APOB: variants seen among roughly 807,000 people sequenced by gnomAD.
APOB encodes the protein apolipoprotein B.
In APOB, 153 loss-of-function variants were observed where a neutral mutation model predicts 314.1. The observed-to-expected ratio is 0.49, with a 90% CI of 0.43 to 0.56. APOB has a LOEUF of 0.56. APOB is among the 20% of genes least tolerant of loss of function. The pLI, the probability that APOB is intolerant of heterozygous loss-of-function variation, is 0.00. For missense variants in APOB, 5,430 were observed against 5,350.7 expected, an observed-to-expected ratio of 1.01 and a Z score of -0.46; for synonymous variants, 2,087 against 2,036.4, an observed-to-expected ratio of 1.02 and a Z score of -0.67.
chr2:21,032,705 A>C (rs1348426483), intron 9 of APOB, 124 bp from the exon 10 acceptor site: 6 of 524,656 alleles, frequency 1.1e-5, no homozygotes, highest in Non-Finnish European at 2.1e-5. Context: ...ATCTAACTTC[A>C]AAACCCAACT....
intron 14 of APOB, 133 bp downstream of exon 14, chr2:21,027,695 A>C: frequency 1.3e-6 from 1 of 764,138 alleles, no homozygotes. Flanking sequence ...GGGAAAGAAG[A>C]AAGCCTCAGA....
At position 21,015,361 on chromosome 2, in the gene APOB, G is replaced by A. The variant is rs1251771320; in HGVS notation, c.3508+9C>T. The A allele has an allele frequency of 1.2e-6, 2 of 1,614,120 alleles. No individual in the cohort carries two copies. The highest frequency in any genetic ancestry group is 1.6e-4 in the Middle Eastern group (1 of 6,062). ...TTGGAAGTGCTCACACAGGGGAAGA[G>A]ACACATACCATAATGCCATGCCACC... On this transcript the variant is annotated intron_variant, in intron 22 of 28. Coordinates refer to ENST00000233242, the MANE Select transcript of APOB (RefSeq NM_000384.3).
intron 2 of APOB, 73 bp downstream of exon 2, chr2:21,043,440 C>T: frequency 1.3e-6 from 2 of 1,517,510 alleles, no homozygotes; most frequent in Non-Finnish European, 1.8e-6. Flanking sequence ...GAGTGGGAGG[C>T]CCTCAGGGAC....
At position 21,023,559 on chromosome 2, in the gene APOB, C is replaced by G. The variant is rs1249889621; in HGVS notation, c.2570G>C (p.Gly857Ala). 1 of 1,614,148 alleles carries G rather than the reference C, an allele frequency of 6.2e-7. No homozygotes were observed. Among genetic ancestry groups the G allele is most frequent in the Admixed American group, 1.7e-5 (1 of 60,028 alleles). ...QISSSGVIAP[G>A]AKAGVKLEVA... is the part of the protein sequence containing the mutation. ...TTCCAGTTTTACTCCAGCCTTGGCT[C>G]CGGGAGCAATGACTCCAGATGAAGA... Residue 857 changes from glycine to alanine, a missense_variant, in exon 17 of 29, where the codon GGA (glycine) becomes GCA (alanine). Around this residue, in one of 3 missense-constraint regions of APOB, gnomAD observed 2,085 missense variants for 2,079.7 expected, o/e 1.00. Transcript: ENST00000233242.
intron 12 of APOB, among the ~76,000 whole-genome samples, chr2:21,029,278 C>T (rs1469353365): frequency 6.6e-6 from 1 of 152,166 alleles, no homozygotes; most frequent in African/African-American, 2.4e-5. Context: ...GGCAAAACTC[C>T]ATCTCTACTA....
At position 21,016,561 on chromosome 2, in the gene APOB, A is replaced by G. The variant is rs756398393; in HGVS notation, c.3210T>C (p.Asp1070=). 3.1e-6 allele frequency: 5 copies of G among 1,610,072 alleles called. No homozygotes were observed. Among genetic ancestry groups the G allele is most frequent in the Non-Finnish European group, 4.3e-6 (5 of 1,176,438 alleles). ...LSSEVQIPDF[D]VDLGTILRVN... ...CTCTGAGGATTGTTCCGAGGTCAAC[A>G]TCAAAATCCGGAATTTGGACTTCAC... The change falls in exon 21 of 29, where the codon GAT becomes GAC. Residue 1070 remains aspartate, a synonymous_variant. Coordinates refer to ENST00000233242, the MANE Select transcript of APOB (RefSeq NM_000384.3).
Position 21,023,520 on chromosome 2 carries a change from C to T in APOB, c.2604+5G>A. The T allele has an allele frequency of 6.2e-7, 1 of 1,614,174 alleles. No individual in the cohort carries two copies. Among genetic ancestry groups the T allele is most frequent in the Non-Finnish European group, 8.5e-7 (1 of 1,180,018 alleles). Reference sequence around the variant, plus strand: ...TAAGAAATCAAAAGGCAAACAGAATCTTACGTTGGCTACTTCCAGTTTTAC... The same window carrying T: ...TAAGAAATCAAAAGGCAAACAGAATTTTACGTTGGCTACTTCCAGTTTTAC... On this transcript the variant is annotated splice_donor_5th_base_variant and intron_variant, in intron 17 of 28. Coordinates refer to ENST00000233242, the MANE Select transcript of APOB (RefSeq NM_000384.3).
intron 11 of APOB, 55 bp downstream of exon 11, chr2:21,029,843 T>A (rs1194461186): frequency 6.2e-7 from 1 of 1,611,494 alleles, no homozygotes; most frequent in African/African-American, 1.3e-5. Flanking sequence ...AAGTAAAAGG[T>A]GTCCAGGAAA....
rs1663930298 is a variant in APOB at position 21,033,466 on chromosome 2, T to G, written c.957A>C (p.Pro319=). The G allele has an allele frequency of 1.9e-6, 3 of 1,614,180 alleles. No individual in the cohort carries two copies. The highest frequency in any genetic ancestry group is 2.5e-6 in the Non-Finnish European group (3 of 1,180,024). The part of the protein sequence containing the change: ...AFESTKSTSP[P]KQAEAVLKTL... The stretch of plus-strand genomic sequence containing the variant: ...TCTTCAAAACAGCTTCGGCCTGCTT[T>G]GGAGGTGATGTGGATTTGGTGCTCT... The change falls in exon 9 of 29, where the codon CCA becomes CCC. Residue 319 remains proline, a synonymous_variant. Transcript: ENST00000233242.
intron 6 of APOB, 102 bp downstream of exon 6, chr2:21,036,998 G>T: frequency 6.9e-7 from 1 of 1,447,070 alleles, no homozygotes. Flanking sequence ...AAACAGCCAG[G>T]GCAGGCTGTC....
Position 21,033,534 on chromosome 2 carries a change from T to G in APOB, c.905-16A>C, listed in dbSNP as rs12720810. 2.0e-3 allele frequency: 3,185 copies of G among 1,602,620 alleles called. 4 individuals are homozygous for G. Among genetic ancestry groups the G allele is most frequent in the Non-Finnish European group, 2.5e-3 (2,884 of 1,169,558 alleles). Reference sequence around the variant, plus strand: ...TTCTTAGTACCTGGAAGATGGAAAGTGTCAAAGGAACTCTAGCTTTCTTCA... The same window carrying G: ...TTCTTAGTACCTGGAAGATGGAAAGGGTCAAAGGAACTCTAGCTTTCTTCA... On this transcript the variant is annotated splice_polypyrimidine_tract_variant and intron_variant, in intron 8 of 28. Transcript: ENST00000233242.
At position 21,003,154 on chromosome 2, in the gene APOB, A is replaced by G. The variant is rs772101655; in HGVS notation, c.12268T>C (p.Trp4090Arg). Residue 4090 changes from tryptophan (W) to arginine (R), a missense_variant, in exon 29 of 29, where the codon TGG becomes CGG. Transcript: ENST00000233242. ...CTCAGGGTGAGCCCTGTGTGTTCCC[A>G]GTGGTACTTGTTGACATAATCATAA... ...VLYDYVNKYH[W>R]EHTGLTLREV... The G allele has an allele frequency of 6.2e-7, 1 of 1,613,928 alleles. No homozygotes were observed. Among genetic ancestry groups the G allele is most frequent in the Non-Finnish European group, 8.5e-7 (1 of 1,179,866 alleles).
chr2:21,019,420 G>A (rs1572790664), intron 19 of APOB, among the ~76,000 whole-genome samples: 1 of 152,110 alleles, frequency 6.6e-6, no homozygotes. Context: ...TACGGTGAAG[G>A]CTTCAAGCAC....
Position 21,007,558 on chromosome 2 carries a change from C to A in APOB, c.9310G>T (p.Ala3104Ser). The part of the protein sequence containing the change: ...NQYKYNQNFS[A>S]GNNENIMEAH... ...TCCATAATGTTCTCGTTGTTTCCAG[C>A]AGAGAAATTTTGGTTGTACTTATAC... is the stretch of plus-strand genomic sequence containing the variant. The change falls in exon 26 of 29, where the codon GCT (alanine) becomes TCT (serine). Residue 3104 changes from alanine to serine, a missense_variant. Ala to Ser is a moderately conservative substitution (Grantham distance 99). Coordinates refer to ENST00000233242, the MANE Select transcript of APOB (RefSeq NM_000384.3). 1.2e-6 allele frequency: 2 copies of A among 1,614,042 alleles called. No homozygotes were observed. The highest frequency in any genetic ancestry group is 1.7e-6 in the Non-Finnish European group (2 of 1,179,956).
intron 14 of APOB, 39 bp downstream of exon 14, chr2:21,027,789 A>C: frequency 6.6e-7 from 1 of 1,506,958 alleles, no homozygotes; most frequent in South Asian, 1.1e-5. Context: ...ATGATGCTGT[A>C]CAAAATGGGC....
chr2:21,013,037 C>T, intron 25 of APOB, 123 bp downstream of exon 25: 1 of 1,200,054 alleles, frequency 8.3e-7, no homozygotes, highest in Non-Finnish European at 1.2e-6. Flanking sequence ...AAATAAAAGA[C>T]TTCCAAGTAG....
chr2:21,025,803 G>A (rs753095630), intron 15 of APOB, among the ~76,000 whole-genome samples: 7 of 152,198 alleles, frequency 4.6e-5, no homozygotes, highest in African/African-American at 1.7e-4. Context: ...TTCTGATTCA[G>A]TAGATTGTGG....
At position 21,006,682 on chromosome 2, in the gene APOB, C is replaced by T. The variant is rs1553383017; in HGVS notation, c.10186G>A (p.Ala3396Thr). The T allele has an allele frequency of 1.2e-6, 2 of 1,614,074 alleles. No individual in the cohort carries two copies. The highest frequency in any genetic ancestry group is 2.2e-5 in the East Asian group (1 of 44,880). ...TTGTTGCTCAGAGACAGAGCTGTGG[C>T]TAACTTCAATCCCCTTTTTCTTGTC... ...RLTRKRGLKL[A>T]TALSLSNKFV... is the part of the protein sequence containing the mutation. Residue 3396 changes from alanine to threonine, a missense_variant, in exon 26 of 29, where the codon GCC becomes ACC. Ala to Thr is a moderately conservative substitution (Grantham distance 58, BLOSUM62 0). This residue lies in a region of APOB where 3,281 missense variants were observed against 3,171.0 expected (regional missense o/e 1.03). Transcript: ENST00000233242.
rs765899256 is a variant in APOB, at chr2:21,007,991, C to T, written c.8877G>A (p.Leu2959=). 5.5e-5 allele frequency: 88 copies of T among 1,613,978 alleles called. No homozygotes were observed. In the East Asian group the frequency reaches 1.6e-3, roughly 29 times the overall value. ...TIEGPLTSFG[L]SNKINSKHLR... ...GGTGTTTGCTATTGATCTTATTGGA[C>T]AGTCCAAAGGAAGTGAGGGGTCCTT... The change falls in exon 26 of 29, where the codon CTG becomes CTA. Residue 2959 remains leucine (L), a synonymous_variant. Transcript: ENST00000233242.
Sources: allele counts gnomAD v4.1 joint callset (sites outside exome capture counted in the v4.1 genomes callset), GRCh38; gene constraint gnomAD v4.1.1; regional missense constraint gnomAD v4.1.1; transcripts MANE v1.5; gene names NCBI Gene and HGNC (gene_info 2026-07-23, HGNC 2026-07-21).